Variants in MRS2 observed in about 807,000 individuals in gnomAD.
MRS2 encodes the protein magnesium transporter MRS2.
A neutral mutation model predicts 52.6 loss-of-function variants in MRS2; 40 were observed. The observed-to-expected ratio is 0.76, with a 90% CI of 0.59 to 0.99. The LOEUF (loss-of-function observed/expected upper bound fraction) is 0.99, where lower values mean the gene tolerates loss of function less well. Ranked by LOEUF, MRS2 falls within the 50% of genes least tolerant of loss-of-function variation. The probability of loss-of-function intolerance (pLI) is 0.00; values close to 1 mark genes in which losing one functional copy is unlikely to be tolerated. For missense variants in MRS2, 472 were observed against 532.7 expected (o/e 0.89, Z 1.12); for synonymous variants, 193 against 195.9 (o/e 0.98, Z 0.13).
intron 4 of MRS2, among the ~76,000 whole-genome samples, chr6:24,411,219 A>G (rs920252023): frequency 6.6e-6 from 1 of 151,906 alleles, no homozygotes; most frequent in African/African-American, 2.4e-5. Flanking sequence ...AAAATTCATG[A>G]TAGAATGTTG....
At position 24,425,699 on chromosome 6, in the gene MRS2, C is replaced by T. The variant is rs1444259638; in HGVS notation, c.*2005C>T. ...TATGTGAGTGAGTAAGCAATCATAT[C>T]GCCTGTCAAACACATCAAGTGTCGA... On this transcript the variant is annotated 3_prime_UTR_variant, in exon 11 of 11. Transcript: ENST00000378386. 6 of 152,120 alleles carry T rather than the reference C, an allele frequency of 3.9e-5. No individual in the cohort carries two copies. Among genetic ancestry groups the T allele is most frequent in the Non-Finnish European group, 7.3e-5 (5 of 68,028 alleles). The allele number at this position is 152,120 out of a possible 1,614,324, so 9.4% of individuals were successfully genotyped here.
At chr6:24,417,335 T>C (rs1761885312) in intron 7 of MRS2, among the ~76,000 whole-genome samples, 1 of 152,236 alleles carries the variant, frequency 6.6e-6, no homozygotes, top group Admixed American at 6.5e-5. Flanking sequence ...ATTACTGATA[T>C]CATTCAAAAA....
intron 7 of MRS2, among the ~76,000 whole-genome samples, chr6:24,416,993 GTTTAC>G (rs1761875036): frequency 6.6e-6 from 1 of 152,032 alleles, no homozygotes; most frequent in African/African-American, 2.4e-5. Flanking sequence ...CCAGCTAAAT[GTTTAC>G]TTTTAAATAC....
At chr6:24,417,562 A>G (rs1468401056) in intron 7 of MRS2, among the ~76,000 whole-genome samples, 2 of 152,246 alleles carry the variant, frequency 1.3e-5, no homozygotes, top group African/African-American at 4.8e-5. Context: ...ACTGGTCTAC[A>G]TAAGGATGGA....
chr6:24,420,287 T>C (rs917726963), intron 9 of MRS2, among the ~76,000 whole-genome samples: 2 of 152,206 alleles, frequency 1.3e-5, no homozygotes, highest in Non-Finnish European at 2.9e-5. Context: ...ACCGACAACC[T>C]GGCCCAGTAA....
At chr6:24,411,272 C>T (rs1420708551) in intron 4 of MRS2, among the ~76,000 whole-genome samples, 1 of 151,874 alleles carries the variant, frequency 6.6e-6, no homozygotes, top group Non-Finnish European at 1.5e-5. Context: ...TTCTATATCA[C>T]TGATAAAGTG....
In MRS2 at chr6:24,412,365, T is replaced by G; in HGVS notation, c.558T>G (p.Phe186Leu). The change falls in exon 5 of 11, where the codon TTT becomes TTG. Residue 186 changes from phenylalanine (F) to leucine (L), a missense_variant. Phe to Leu is a conservative substitution (Grantham distance 22, BLOSUM62 0). Transcript: ENST00000378386. ...QLVTYPLPFE[F>L]RAIEALLQYW... ...TTACATACCCTTTACCTTTTGAGTTTAGAGCTATAGAAGCACTCCTGCAAT... is the reference window on the plus strand; with the variant it reads ...TTACATACCCTTTACCTTTTGAGTTGAGAGCTATAGAAGCACTCCTGCAAT... The G allele has an allele frequency of 6.3e-7, 1 of 1,584,658 alleles. No homozygotes were observed. Among genetic ancestry groups the G allele is most frequent in the Non-Finnish European group, 8.6e-7 (1 of 1,168,332 alleles).
chr6:24,423,373 G>T, intron 10 of MRS2: 1 of 481,608 alleles, frequency 2.1e-6, no homozygotes, highest in Non-Finnish European at 3.7e-6. Context: ...ATAACCAAAT[G>T]GAAATGTAGG....
chr6:24,414,297 G>A (rs1194820767), intron 5 of MRS2, among the ~76,000 whole-genome samples: 3 of 152,076 alleles, frequency 2.0e-5, no homozygotes, highest in African/African-American at 7.2e-5. Context: ...GGACCCTGCC[G>A]CCTTCCGCAG....
intron 3 of MRS2, among the ~76,000 whole-genome samples, chr6:24,409,123 A>C (rs1761568769): frequency 6.6e-6 from 1 of 152,208 alleles, no homozygotes. Flanking sequence ...AATAGAAAAT[A>C]TAGTTGTGTA....
rs1333401485 is a variant in MRS2, at chr6:24,424,266, A to G, written c.*572A>G. ...TAAAAAGAAATAATTTAATATCACC[A>G]TTGTATGGATTCCTAATCAAGATTT... On this transcript the variant is annotated 3_prime_UTR_variant, in exon 11 of 11. Transcript: ENST00000378386. 6.6e-6 allele frequency: 1 copy of G among 151,420 alleles called. No individual in the cohort carries two copies. Among genetic ancestry groups the G allele is most frequent in the Non-Finnish European group, 1.5e-5 (1 of 68,034 alleles). The allele number at this position is 151,420 out of a possible 1,614,324, so 9.4% of individuals were successfully genotyped here. A position where few individuals can be genotyped will look rare whatever the true frequency, so the allele number is the denominator to read the frequency against.
At chr6:24,410,240 A>G (rs918680542) in intron 4 of MRS2, among the ~76,000 whole-genome samples, 1 of 152,110 alleles carries the variant, frequency 6.6e-6, no homozygotes, top group African/African-American at 2.4e-5. Context: ...CTGCCTCCCA[A>G]AGTGCTGGGA....
chr6:24,415,126 A>G lies in MRS2; in HGVS notation c.682A>G (p.Arg228Gly), dbSNP rs1409013130. 2 of 1,606,536 alleles carry G rather than the reference A, an allele frequency of 1.2e-6. No homozygotes were observed. Among genetic ancestry groups the G allele is most frequent in the Non-Finnish European group, 8.5e-7 (1 of 1,174,338 alleles). The part of the protein sequence containing the change: ...LVDPKHSSVD[R>G]SKLHILLQNG... ...GGACCCCAAACATTCTTCTGTAGAC[A>G]GAAGCAAACTGCACATTTTACTACA... Residue 228 changes from arginine (R) to glycine (G), a missense_variant, in exon 6 of 11, where the codon AGA becomes GGA. Coordinates refer to ENST00000378386, the MANE Select transcript of MRS2 (RefSeq NM_020662.4).
chr6:24,404,085 G>A (rs1330759125), intron 1 of MRS2, among the ~76,000 whole-genome samples: 1 of 152,202 alleles, frequency 6.6e-6, no homozygotes, highest in Non-Finnish European at 1.5e-5. Flanking sequence ...ACATAGCAGT[G>A]TCCTCAAATA....
intron 9 of MRS2, among the ~76,000 whole-genome samples, chr6:24,421,361 G>A (rs1762035336): frequency 6.6e-6 from 1 of 152,172 alleles, no homozygotes; most frequent in African/African-American, 2.4e-5. Flanking sequence ...TCAAATTAAT[G>A]TCTTATCAGA....
At chr6:24,416,862 G>A (rs574770806) in intron 7 of MRS2, among the ~76,000 whole-genome samples, 5 of 152,200 alleles carry the variant, frequency 3.3e-5, no homozygotes, top group South Asian at 2.1e-4. Context: ...GAAAAGATGG[G>A]GTAAATACAC....
intron 1 of MRS2, 53 bp downstream of exon 1, chr6:24,403,289 A>T: frequency 1.4e-6 from 2 of 1,469,306 alleles, no homozygotes; most frequent in Non-Finnish European, 1.8e-6. Context: ...CAGTGACCTT[A>T]GACTGCTGCC....
At chr6:24,421,560 T>TAGTGAATC (rs200318725) in intron 9 of MRS2, among the ~76,000 whole-genome samples, 1 of 152,212 alleles carries the variant, frequency 6.6e-6, no homozygotes, top group Non-Finnish European at 1.5e-5. Flanking sequence ...AGAATTTCCA[T>TAGTGAATC]TTTCTTAAAC....
intron 9 of MRS2, among the ~76,000 whole-genome samples, chr6:24,422,248 G>A (rs1762068817): frequency 1.3e-5 from 2 of 152,228 alleles, no homozygotes; most frequent in Admixed American, 1.3e-4. Flanking sequence ...CTTTGAGGAA[G>A]TGAGCTCTCA....
Sources: gnomAD v4.1 joint callset for allele counts (sites outside exome capture counted in the v4.1 genomes callset) on GRCh38, gnomAD v4.1.1 for gene constraint, MANE v1.5 for transcripts, NCBI Gene and HGNC (gene_info 2026-07-23, HGNC 2026-07-21) for gene names.